DNAH2: variants seen among roughly 807,000 people sequenced by gnomAD.
DNAH2 encodes dynein axonemal heavy chain 2.
Under a neutral mutation model 523.5 loss-of-function variants are expected in DNAH2, and 323 were observed. The ratio of observed to expected loss-of-function variants is 0.62; its 90% CI spans 0.56 to 0.68. The LOEUF (loss-of-function observed/expected upper bound fraction) is 0.68, where lower values mean the gene tolerates loss of function less well. Ranked by LOEUF, DNAH2 falls within the 30% of genes least tolerant of loss-of-function variation. DNAH2 has a pLI of 0.00. For missense variants in DNAH2, 4,907 were observed against 5,701.5 expected (o/e 0.86, Z 4.49); for synonymous variants, 2,093 against 2,177.4 (o/e 0.96, Z 1.08).
chr17:7,793,610 C>T (rs1335863656), intron 48 of DNAH2, among the ~76,000 whole-genome samples: 2 of 149,606 alleles, frequency 1.3e-5, no homozygotes, highest in Admixed American at 6.7e-5. Flanking sequence ...GCTATGTTGC[C>T]AAGGCTGGGG....
In DNAH2 at chr17:7,831,364, A is replaced by G. The variant is rs1282106843; in HGVS notation, c.12460-26A>G. On this transcript the variant is annotated intron_variant, in intron 80 of 85. Transcript: ENST00000572933. The surrounding 1 kb of genome is among the most constrained non-coding windows in gnomAD (Gnocchi z 4.2). ...GGGAAAGTGATGAGAAGAGGGGGCTACACTCAAGAGCTCCTGCCTGCTCAG... is the reference window on the plus strand; with the variant it reads ...GGGAAAGTGATGAGAAGAGGGGGCTGCACTCAAGAGCTCCTGCCTGCTCAG... 1 of 1,614,088 alleles carries G rather than the reference A, an allele frequency of 6.2e-7. No homozygotes were observed. The highest frequency in any genetic ancestry group is 1.7e-5 in the Admixed American group (1 of 60,014).
Position 7,734,260 on chromosome 17 carries a change from A to G in DNAH2, c.706A>G (p.Ile236Val), listed in dbSNP as rs2151138596. 6.2e-7 allele frequency: 1 copy of G among 1,607,472 alleles called. No individual in the cohort carries two copies. The highest frequency in any genetic ancestry group is 8.5e-7 in the Non-Finnish European group (1 of 1,176,806). ...CATGAACATGAAGCCTGAGATGGTG[A>G]TAAAGGACAAAGAGCTGGTGCAACG... ...EAMNMKPEMVIKDKELVQRLE... is the reference protein window; with the variant it reads ...EAMNMKPEMVVKDKELVQRLE... Residue 236 changes from isoleucine (I) to valine (V), a missense_variant, in exon 6 of 86, where the codon ATA (isoleucine) becomes GTA (valine). Physicochemically the swap from Ile to Val is conservative, Grantham distance 29 (BLOSUM62 3). This residue lies in a region of DNAH2 where 2,806 missense variants were observed against 3,190.8 expected (regional missense o/e 0.88). Transcript: ENST00000572933.
At position 7,801,715 on chromosome 17, in the gene DNAH2, G is replaced by A; in HGVS notation, c.8832+5G>A. 6.2e-7 allele frequency: 1 copy of A among 1,613,908 alleles called. No homozygotes were observed. The highest frequency in any genetic ancestry group is 8.5e-7 in the Non-Finnish European group (1 of 1,179,980). On this transcript the variant is annotated splice_donor_5th_base_variant and intron_variant, in intron 57 of 85. Coordinates refer to ENST00000572933, the MANE Select transcript of DNAH2 (RefSeq NM_020877.5). ...GACCTGGGAACTCAGGAGAATGTGA[G>A]CCCCTCCTCCCCACCTCTCATTGCA... is the stretch of plus-strand genomic sequence containing the variant.
intron 21 of DNAH2, 63 bp downstream of exon 21, chr17:7,765,628 C>T: frequency 6.4e-7 from 1 of 1,555,458 alleles, no homozygotes; most frequent in South Asian, 1.2e-5. Context: ...CCTTCCAAGC[C>T]CAGGTCCTGG....
At chr17:7,817,471 A>C in intron 65 of DNAH2, 56 bp downstream of exon 65, 1 of 1,613,066 alleles carries the variant, frequency 6.2e-7, no homozygotes, top group Non-Finnish European at 8.5e-7. Flanking sequence ...TGGGGGCAGG[A>C]CCTTTGGGAA....
intron 7 of DNAH2, among the ~76,000 whole-genome samples, chr17:7,735,420 G>A (rs375380042): frequency 5.8e-4 from 88 of 151,694 alleles, no homozygotes; most frequent in African/African-American, 1.8e-3. Flanking sequence ...GTGAGCCACC[G>A]CACCTGGCTC....
At chr17:7,779,847 G>A (rs1191651473) in intron 36 of DNAH2, among the ~76,000 whole-genome samples, 2 of 152,184 alleles carry the variant, frequency 1.3e-5, no homozygotes. Context: ...AGGAACAGCT[G>A]TGATTTCTAT....
chr17:7,737,321 G>T (rs1597483843), intron 8 of DNAH2, 63 bp downstream of exon 8: 8 of 1,536,972 alleles, frequency 5.2e-6, no homozygotes, highest in Non-Finnish European at 7.1e-6. Context: ...TCTGAAGCAG[G>T]GGGAATGCAT....
At chr17:7,797,360 C>G (rs2077094614) in intron 51 of DNAH2, 40 bp from the exon 52 acceptor site, 1 of 1,613,764 alleles carries the variant, frequency 6.2e-7, no homozygotes, top group Admixed American at 1.7e-5. Context: ...GGCCATTCTC[C>G]TCTTTATTCC....
At chr17:7,787,083 G>T in intron 42 of DNAH2, 50 bp downstream of exon 42, 1 of 1,603,832 alleles carries the variant, frequency 6.2e-7, no homozygotes. Flanking sequence ...GGCACCGGAG[G>T]GCGTGGGCCG....
chr17:7,833,322 C>G, intron 85 of DNAH2, 57 bp from the exon 86 acceptor site: 1 of 1,609,268 alleles, frequency 6.2e-7, no homozygotes, highest in Non-Finnish European at 8.5e-7. Context: ...CTGCCCTGCT[C>G]CTGCCCTGCT....
At chr17:7,739,299 G>A (rs1349282333) in intron 8 of DNAH2, among the ~76,000 whole-genome samples, 2 of 152,160 alleles carry the variant, frequency 1.3e-5, no homozygotes, top group African/African-American at 4.8e-5. Flanking sequence ...CTAGCTGCTT[G>A]GGAGGCTGAG....
At position 7,725,297 on chromosome 17, in the gene DNAH2, C is replaced by T. The variant is rs528534330; in HGVS notation, c.228+1608C>T. 3.5e-3 allele frequency among the ~76,000 whole-genome samples: 523 copies of T among 150,834 alleles called. 1 individual carries two copies. The highest frequency in any genetic ancestry group is 0.012 in the African/African-American group (488 of 41,044). ...TAGAGACGGGGTTTCATCATGTTGG[C>T]CAGGCTGGTCTTGAACTCCTGACCT... On this transcript the variant is annotated intron_variant, in intron 3 of 85. Coordinates refer to ENST00000572933, the MANE Select transcript of DNAH2 (RefSeq NM_020877.5).
In DNAH2 at chr17:7,760,585, C is replaced by G. The variant is rs1427915992; in HGVS notation, c.2786-155C>G. On this transcript the variant is annotated intron_variant, in intron 17 of 85. Coordinates refer to ENST00000572933, the MANE Select transcript of DNAH2 (RefSeq NM_020877.5). This position sits in a 1 kb window ranked among gnomAD's most constrained non-coding sequence, Gnocchi z 4.0. The stretch of plus-strand genomic sequence containing the variant: ...ACACTAAGAGTCACATTTTCACTTT[C>G]TGCCTACTCCTTTACCTTCTAATGT... 2.6e-5 allele frequency among the ~76,000 whole-genome samples: 4 copies of G among 152,190 alleles called. No homozygotes were observed. The highest frequency in any genetic ancestry group is 9.6e-5 in the African/African-American group (4 of 41,452).
intron 63 of DNAH2, among the ~76,000 whole-genome samples, chr17:7,810,211 A>G (rs1445697852): frequency 6.7e-6 from 1 of 148,314 alleles, no homozygotes; most frequent in East Asian, 2.0e-4. Flanking sequence ...CTACAGGCAC[A>G]CTCCACTATT....
Position 7,737,246 on chromosome 17 carries a change from G to A in DNAH2, c.1158G>A (p.Ser386=), listed in dbSNP as rs367776392. The A allele has an allele frequency of 6.2e-6, 10 of 1,613,802 alleles. No individual in the cohort carries two copies. The highest frequency in any genetic ancestry group is 1.6e-4 in the Middle Eastern group (1 of 6,074). The part of the protein sequence containing the change: ...PHYNTRERLT[S]LFRKVCDCQY... ...ACAACACTCGGGAGAGACTGACCTC[G>A]CTCTTCCGAAAGGTGTGCATATGCT... Residue 386 remains serine (S), a synonymous_variant, in exon 8 of 86, where the codon TCG becomes TCA. Transcript: ENST00000572933.
intron 7 of DNAH2, among the ~76,000 whole-genome samples, chr17:7,736,362 C>T (rs985176479): frequency 5.3e-5 from 8 of 152,146 alleles, no homozygotes; most frequent in Admixed American, 5.2e-4. Context: ...TGGCTGAGAA[C>T]AGGGCAGTGA....
Position 7,779,242 on chromosome 17 carries a change from G to A in DNAH2, c.5542-1G>A. 1 of 1,613,910 alleles carries A rather than the reference G, an allele frequency of 6.2e-7. No individual in the cohort carries two copies. The highest frequency in any genetic ancestry group is 8.5e-7 in the Non-Finnish European group (1 of 1,180,006). On this transcript the variant is annotated splice_acceptor_variant, in intron 35 of 85. Coordinates refer to ENST00000572933, the MANE Select transcript of DNAH2 (RefSeq NM_020877.5). LOFTEE classifies it high-confidence loss of function. ...CAGTGACTCTGCCTTGCACCCCGCA[G>A]ACTGGAGCTTGGGGCTGCTTTGATG... is the stretch of plus-strand genomic sequence containing the variant.
Position 7,739,840 on chromosome 17 carries a change from G to C in DNAH2, c.1278G>C (p.Glu426Asp). 1 of 1,614,022 alleles carries C rather than the reference G, an allele frequency of 6.2e-7. No homozygotes were observed. The highest frequency in any genetic ancestry group is 8.5e-7 in the Non-Finnish European group (1 of 1,180,018). ...QGPQITRNLL[E>D]IEDIFHKNLH... Reference sequence around the variant, plus strand: ...CACAGATAACACGGAACTTGCTGGAGATTGAGGACATCTTTCATAAAAATC... The same window carrying C: ...CACAGATAACACGGAACTTGCTGGACATTGAGGACATCTTTCATAAAAATC... Residue 426 changes from glutamate to aspartate, a missense_variant, in exon 9 of 86, where the codon GAG (glutamate) becomes GAC (aspartate). Coordinates refer to ENST00000572933, the MANE Select transcript of DNAH2 (RefSeq NM_020877.5).
Sources: gnomAD v4.1 joint callset for allele counts (sites outside exome capture counted in the v4.1 genomes callset) on GRCh38, gnomAD v4.1.1 for gene constraint, gnomAD v4.1.1 regional missense constraint, Gnocchi (gnomAD v3.1) non-coding constraint, MANE v1.5 for transcripts, NCBI Gene and HGNC (gene_info 2026-07-23, HGNC 2026-07-21) for gene names.